The following DOCK1 variants were observed in gnomAD, a reference collection of about 807,000 sequenced individuals.
DOCK1 encodes the protein dedicator of cytokinesis protein 1.
DOCK1 carries 138 observed loss-of-function variants against 262.7 expected under a neutral mutation model. The ratio of observed to expected loss-of-function variants is 0.53; its 90% CI spans 0.46 to 0.61. The LOEUF is 0.61. Among genes scored for constraint, DOCK1 ranks in the 20% least tolerant of loss-of-function variants. The pLI, the probability that DOCK1 is intolerant of heterozygous loss-of-function variation, is 0.00. For synonymous variants in DOCK1, 866 were observed against 867.4 expected, an observed-to-expected ratio of 1.00 and a Z score of 0.03; for missense variants, 1,908 against 2,370.7, an observed-to-expected ratio of 0.80 and a Z score of 4.05.
At chr10:127,383,455 T>A (rs898679866) in intron 37 of DOCK1, among the ~76,000 whole-genome samples, 1 of 152,226 alleles carries the variant, frequency 6.6e-6, no homozygotes. Context: ...AACTTCAAAG[T>A]TAAAGAGTTT....
rs538499429 is a variant in DOCK1 at position 127,374,100 on chromosome 10, A to G, written c.3561A>G (p.Thr1187=). 6.8e-6 allele frequency: 11 copies of G among 1,613,458 alleles called. No homozygotes were observed. The African/African-American group carries it at 1.2e-4, about 18-fold the overall frequency. ...GGAAGCACAAATACCTCGCCAAAAC[A>G]GGAGAAACTTTTGTAAAACTCGTTG... The part of the protein sequence containing the change: ...HCRKHKYLAK[T]GETFVKLVVR... The change falls in exon 35 of 52, where the codon ACA becomes ACG. Residue 1187 remains threonine, a synonymous_variant. Coordinates refer to ENST00000623213, the MANE Select transcript of DOCK1 (RefSeq NM_001290223.2).
At chr10:127,113,653 C>T (rs1340339871) in intron 25 of DOCK1, among the ~76,000 whole-genome samples, 1 of 152,064 alleles carries the variant, frequency 6.6e-6, no homozygotes, top group Admixed American at 6.5e-5. Flanking sequence ...ACATGGAAAC[C>T]GTAGGTGCAT....
At chr10:127,346,623 A>G (rs989165752) in intron 31 of DOCK1, among the ~76,000 whole-genome samples, 6 of 152,166 alleles carry the variant, frequency 3.9e-5, no homozygotes, top group African/African-American at 1.4e-4. Context: ...AAGAAAAAAA[A>G]ACATTAACCT....
At chr10:127,370,240 A>G (rs1446297440) in intron 33 of DOCK1, among the ~76,000 whole-genome samples, 1 of 152,230 alleles carries the variant, frequency 6.6e-6, no homozygotes, top group Non-Finnish European at 1.5e-5. Context: ...AAAGAGCAGC[A>G]TTGTACTAAG....
At chr10:126,983,010 A>C (rs2039091633) in intron 4 of DOCK1, among the ~76,000 whole-genome samples, 1 of 152,250 alleles carries the variant, frequency 6.6e-6, no homozygotes, top group African/African-American at 2.4e-5. Context: ...CATGATAATA[A>C]AGTGAACAAC....
intron 28 of DOCK1, among the ~76,000 whole-genome samples, chr10:127,252,583 C>A (rs1393097839): frequency 4.0e-5 from 6 of 150,438 alleles, no homozygotes; most frequent in Non-Finnish European, 7.4e-5. Context: ...AGGAAGGGTT[C>A]CAGTTTCAGC....
intron 27 of DOCK1, among the ~76,000 whole-genome samples, chr10:127,130,637 A>G (rs918768792): frequency 2.6e-5 from 4 of 152,204 alleles, no homozygotes; most frequent in African/African-American, 9.6e-5. Context: ...AGGCATGATA[A>G]TAAGTGTGGT....
intron 28 of DOCK1, 98 bp downstream of exon 28, chr10:127,248,207 G>A: frequency 9.4e-7 from 1 of 1,066,930 alleles, no homozygotes; most frequent in East Asian, 2.6e-5. Flanking sequence ...ATAGGATTTT[G>A]CATGAGAACT....
At chr10:127,203,175 T>G (rs2057549651) in intron 27 of DOCK1, among the ~76,000 whole-genome samples, 1 of 152,222 alleles carries the variant, frequency 6.6e-6, no homozygotes, top group Non-Finnish European at 1.5e-5. Flanking sequence ...CATCACAATA[T>G]ACGTATCCCA....
At position 126,970,958 on chromosome 10, in the gene DOCK1, G is replaced by T. The variant is rs370643684; in HGVS notation, c.130+173G>T. Reference sequence around the variant, plus strand: ...TGTTTCAGGTAAGGGTAGTAGTGAGGCTGTTGTTTAATACTTTCTGAAGGT... The same window carrying T: ...TGTTTCAGGTAAGGGTAGTAGTGAGTCTGTTGTTTAATACTTTCTGAAGGT... On this transcript the variant is annotated intron_variant, in intron 2 of 51. Transcript: ENST00000623213. Among the ~76,000 whole-genome samples, 15 of 152,176 alleles carry T rather than the reference G, an allele frequency of 9.9e-5. No individual in the cohort carries two copies. The South Asian group carries it at 3.1e-3, about 32-fold the overall frequency.
At chr10:127,008,288 G>C (rs2041181363) in intron 10 of DOCK1, among the ~76,000 whole-genome samples, 1 of 152,084 alleles carries the variant, frequency 6.6e-6, no homozygotes, top group African/African-American at 2.4e-5. Flanking sequence ...TGTAGAGATG[G>C]GGTTTTGTCA....
In DOCK1 at chr10:127,090,983, G is replaced by GTTT. The variant is rs34548050; in HGVS notation, c.2446-15234_2446-15232dup. Among the ~76,000 whole-genome samples the GTTT allele has an allele frequency of 1.1e-3, 157 of 137,192 alleles. 4 individuals carry two copies. The highest frequency in any genetic ancestry group is 3.8e-3 in the Middle Eastern group (1 of 266). 90.0% of individuals were successfully genotyped at this position (137,192 alleles called of 152,430 possible). A position where few individuals can be genotyped will look rare whatever the true frequency, so the allele number is the denominator to read the frequency against. Reference sequence around the variant, plus strand: ...AGGCTTCTGTTTGAACGTCTATTTGGTTTTTTTTTTTTTTTTGAGACGGAG... The same window carrying GTTT: ...AGGCTTCTGTTTGAACGTCTATTTGGTTTTTTTTTTTTTTTTTTTGAGACGGAG... On this transcript the variant is annotated intron_variant, in intron 23 of 51. Transcript: ENST00000623213.
At chr10:127,159,021 T>C (rs1439524422) in intron 27 of DOCK1, among the ~76,000 whole-genome samples, 1 of 152,056 alleles carries the variant, frequency 6.6e-6, no homozygotes, top group African/African-American at 2.4e-5. Context: ...GAACACTCCT[T>C]GGTCAAGGTA....
chr10:127,422,944 C>G (rs1027572710), intron 46 of DOCK1, among the ~76,000 whole-genome samples: 1 of 152,054 alleles, frequency 6.6e-6, no homozygotes, highest in Non-Finnish European at 1.5e-5. Flanking sequence ...CCCCAGAGAG[C>G]AGCTTTATGT....
chr10:127,219,855 C>G (rs1025177154), intron 27 of DOCK1, among the ~76,000 whole-genome samples: 1 of 152,174 alleles, frequency 6.6e-6, no homozygotes, highest in African/African-American at 2.4e-5. Flanking sequence ...TGGTGACACC[C>G]ACCATGGCCC....
At chr10:127,034,128 C>T (rs1433790277) in intron 18 of DOCK1, among the ~76,000 whole-genome samples, 1 of 152,074 alleles carries the variant, frequency 6.6e-6, no homozygotes, top group African/African-American at 2.4e-5. Context: ...GAGGCATGTG[C>T]AGTGTATTTG....
At chr10:127,139,899 C>T (rs2051060501) in intron 27 of DOCK1, among the ~76,000 whole-genome samples, 1 of 152,122 alleles carries the variant, frequency 6.6e-6, no homozygotes, top group Admixed American at 6.5e-5. Context: ...GATCACTAAT[C>T]TTATAATGGA....
At chr10:127,384,050 G>T (rs1337187749) in intron 37 of DOCK1, among the ~76,000 whole-genome samples, 1 of 152,156 alleles carries the variant, frequency 6.6e-6, no homozygotes, top group African/African-American at 2.4e-5. Flanking sequence ...TGGGAGTCAG[G>T]CATCTTCCGC....
chr10:126,908,945 A>G (rs1303933760), intron 1 of DOCK1, among the ~76,000 whole-genome samples: 2 of 152,220 alleles, frequency 1.3e-5, no homozygotes, highest in Admixed American at 6.5e-5. Context: ...TCACATCTCA[A>G]CAATGGTGTT....
Sources: allele counts gnomAD v4.1 joint callset (sites outside exome capture counted in the v4.1 genomes callset), GRCh38; gene constraint gnomAD v4.1.1; transcripts MANE v1.5; gene names NCBI Gene and HGNC (gene_info 2026-07-23, HGNC 2026-07-21).